The following TAX1BP1 variants were observed in gnomAD, a reference collection of about 807,000 sequenced individuals.
The protein encoded by TAX1BP1 is Tax1 binding protein 1.
Under a neutral mutation model 97.7 loss-of-function variants are expected in TAX1BP1, and 62 were observed. The observed-to-expected ratio is 0.63, with a 90% CI of 0.52 to 0.78. The LOEUF (loss-of-function observed/expected upper bound fraction) is 0.78, where lower values mean the gene tolerates loss of function less well. Among genes scored for constraint, TAX1BP1 ranks in the 30% least tolerant of loss-of-function variants. The pLI is 0.00. For missense variants in TAX1BP1, 867 were observed against 916.1 expected, an observed-to-expected ratio of 0.95 and a Z score of 0.69; for synonymous variants, 340 against 304.2, an observed-to-expected ratio of 1.12 and a Z score of -1.23.
At chr7:27,826,361 C>T (rs1447640421) in intron 15 of TAX1BP1, among the ~76,000 whole-genome samples, 1 of 152,136 alleles carries the variant, frequency 6.6e-6, no homozygotes, top group African/African-American at 2.4e-5. Flanking sequence ...GGAAAATTGT[C>T]AGAAGGATAG....
chr7:27,758,060 C>T lies in TAX1BP1; in HGVS notation c.192C>T (p.Tyr64=). The T allele has an allele frequency of 1.2e-6, 2 of 1,611,834 alleles. No individual in the cohort carries two copies. The highest frequency in any genetic ancestry group is 1.7e-6 in the Non-Finnish European group (2 of 1,179,000). ...GATGGAGTACTGCTCGTGATTATTA[C>T]ACGTTTTTATGGTCCCCTATGCCTG... ...KVGWSTARDY[Y]TFLWSPMPEH... is the part of the protein sequence containing the mutation. Residue 64 remains tyrosine, a synonymous_variant, in exon 3 of 17, where the codon TAC becomes TAT. Transcript: ENST00000396319.
chr7:27,819,254 A>G (rs568275640), intron 15 of TAX1BP1, among the ~76,000 whole-genome samples: 5,617 of 152,130 alleles, frequency 0.037, 315 homozygotes, highest in African/African-American at 0.13. Context: ...TAACAAATTT[A>G]GTGACCATTA....
intron 5 of TAX1BP1, among the ~76,000 whole-genome samples, chr7:27,771,588 G>C (rs1028699961): frequency 6.6e-6 from 1 of 151,904 alleles, no homozygotes; most frequent in African/African-American, 2.4e-5. Flanking sequence ...AAGGGGTTAA[G>C]GACTACAGAC....
chr7:27,778,549 C>A (rs1373283710), intron 5 of TAX1BP1, among the ~76,000 whole-genome samples: 1 of 152,090 alleles, frequency 6.6e-6, no homozygotes, highest in South Asian at 2.1e-4. Flanking sequence ...ATATTAACTT[C>A]AGTTACCTTG....
chr7:27,765,023 T>G (rs1466048330), intron 3 of TAX1BP1, among the ~76,000 whole-genome samples: 2 of 146,596 alleles, frequency 1.4e-5, no homozygotes, highest in African/African-American at 2.5e-5. Context: ...TTTTTTTTTT[T>G]TTTTTTTTTT....
intron 13 of TAX1BP1, among the ~76,000 whole-genome samples, chr7:27,806,772 C>A: frequency 6.6e-6 from 1 of 152,100 alleles, no homozygotes; most frequent in African/African-American, 2.4e-5. Context: ...TTAGTACCAA[C>A]TTTTCTAGCT....
intron 5 of TAX1BP1, among the ~76,000 whole-genome samples, chr7:27,783,907 G>A (rs1012580388): frequency 6.6e-6 from 1 of 151,958 alleles, no homozygotes; most frequent in African/African-American, 2.4e-5. Context: ...TTTTTCTCTG[G>A]TATTATGGCA....
At chr7:27,747,227 G>A (rs1787857966) in intron 1 of TAX1BP1, among the ~76,000 whole-genome samples, 1 of 152,188 alleles carries the variant, frequency 6.6e-6, no homozygotes. Context: ...ATTGTACGGA[G>A]CCTGTGACAA....
At chr7:27,791,874 A>G in intron 8 of TAX1BP1, 132 bp from the exon 9 acceptor site, 1 of 751,680 alleles carries the variant, frequency 1.3e-6, no homozygotes, top group Non-Finnish European at 2.2e-6. Context: ...GTAGGCATAT[A>G]CTCTGTAAGT....
chr7:27,756,949 A>G (rs1788242458), intron 2 of TAX1BP1, among the ~76,000 whole-genome samples: 1 of 152,132 alleles, frequency 6.6e-6, no homozygotes, highest in Non-Finnish European at 1.5e-5. Flanking sequence ...ACTTACCCTT[A>G]ATATACTCCA....
chr7:27,792,912 TA>T (rs1464930522), intron 9 of TAX1BP1, among the ~76,000 whole-genome samples, 153 bp from the exon 10 acceptor site: 1 of 152,024 alleles, frequency 6.6e-6, no homozygotes, highest in Admixed American at 6.6e-5. Flanking sequence ...CAGTGAGCCA[TA>T]ATTGGGCCAC....
chr7:27,748,570 C>T lies in TAX1BP1; in HGVS notation c.46C>T (p.His16Tyr). 6.2e-7 allele frequency: 1 copy of T among 1,603,144 alleles called. No homozygotes were observed. Among genetic ancestry groups the T allele is most frequent in the Non-Finnish European group, 8.5e-7 (1 of 1,173,986 alleles). The stretch of plus-strand genomic sequence containing the variant: ...CCCATTGCAGACTTCCAACTTTGCC[C>T]ATGTCATCTTTCAAAATGTGGCCAA... ...EVPLQTSNFA[H>Y]VIFQNVAKSY... Residue 16 changes from histidine to tyrosine, a missense_variant, in exon 2 of 17, where the codon CAT becomes TAT. By Grantham distance (83) the His-to-Tyr change is moderately conservative. Transcript: ENST00000396319.
chr7:27,801,684 C>A (rs1790143560), intron 13 of TAX1BP1, among the ~76,000 whole-genome samples: 1 of 152,132 alleles, frequency 6.6e-6, no homozygotes, highest in Non-Finnish European at 1.5e-5. Flanking sequence ...AGGTAATCAT[C>A]TATAAGCCAT....
intron 15 of TAX1BP1, among the ~76,000 whole-genome samples, 184 bp from the exon 16 acceptor site, chr7:27,827,549 GTTAGT>G (rs757131357): frequency 7.9e-5 from 12 of 152,084 alleles, no homozygotes; most frequent in Non-Finnish European, 1.3e-4. Flanking sequence ...ACACCACAGT[GTTAGT>G]TTATAGTGAA....
At chr7:27,818,378 TA>T (rs148881927) in intron 15 of TAX1BP1, among the ~76,000 whole-genome samples, 43 of 152,192 alleles carry the variant, frequency 2.8e-4, no homozygotes, top group Admixed American at 1.7e-3. Flanking sequence ...TATTCAGAAT[TA>T]AAAAAAATTC....
intron 2 of TAX1BP1, among the ~76,000 whole-genome samples, chr7:27,753,182 C>T (rs563463602): frequency 6.6e-6 from 1 of 152,284 alleles, no homozygotes; most frequent in East Asian, 1.9e-4. Context: ...TGCTGGTAGT[C>T]CCAGCTACTC....
At position 27,800,099 on chromosome 7, in the gene TAX1BP1, G is replaced by T; in HGVS notation, c.1764+9G>T. Reference sequence around the variant, plus strand: ...TACAGGACAATTATAAAGTAAGTTTGGTACTCCTTGTATGTAAACTTAAGG... The same window carrying T: ...TACAGGACAATTATAAAGTAAGTTTTGTACTCCTTGTATGTAAACTTAAGG... On this transcript the variant is annotated intron_variant, in intron 13 of 16. Transcript: ENST00000396319. 2 of 1,559,120 alleles carry T rather than the reference G, an allele frequency of 1.3e-6. No individual in the cohort carries two copies. Among genetic ancestry groups the T allele is most frequent in the Non-Finnish European group, 1.7e-6 (2 of 1,154,558 alleles).
Position 27,828,826 on chromosome 7 carries a change from C to G in TAX1BP1, c.2367C>G (p.Asp789Glu). The G allele has an allele frequency of 2.7e-6, 4 of 1,467,928 alleles. No homozygotes were observed. The highest frequency in any genetic ancestry group is 3.8e-6 in the Non-Finnish European group (4 of 1,066,054). 90.9% of individuals were successfully genotyped at this position (1,467,928 alleles called of 1,614,324 possible). ...TTGATCAGAATGTTCTAAATTTTGA[C>G]TAGTTACTTTTTATTATGAGTTAAT... ...THFDQNVLNF[D>E] Residue 789 changes from aspartate to glutamate, a missense_variant, in exon 17 of 17, where the codon GAC becomes GAG. By Grantham distance (45) the Asp-to-Glu change is conservative. This residue lies in a region of TAX1BP1 where 34 missense variants were observed against 33.2 expected (regional missense o/e 1.02). Transcript: ENST00000396319.
chr7:27,824,125 T>C (rs755708233), intron 15 of TAX1BP1, among the ~76,000 whole-genome samples: 5 of 152,224 alleles, frequency 3.3e-5, no homozygotes, highest in Admixed American at 6.5e-5. Context: ...TTAGTTCTTT[T>C]GGGCATATAC....
Sources: gnomAD v4.1 joint callset for allele counts (sites outside exome capture counted in the v4.1 genomes callset) on GRCh38, gnomAD v4.1.1 for gene constraint, gnomAD v4.1.1 regional missense constraint, MANE v1.5 for transcripts, NCBI Gene and HGNC (gene_info 2026-07-23, HGNC 2026-07-21) for gene names.